The following HIVEP1 variants were observed in gnomAD, a reference collection of about 807,000 sequenced individuals.
HIVEP1 encodes zinc finger protein 40.
A neutral mutation model predicts 180.0 loss-of-function variants in HIVEP1; 36 were observed. The ratio of observed to expected loss-of-function variants is 0.20; its 90% CI spans 0.15 to 0.26. HIVEP1 has a LOEUF of 0.26. HIVEP1 is among the 10% of genes least tolerant of loss of function. HIVEP1 has a pLI of 1.00. For missense variants in HIVEP1, 3,143 were observed against 3,268.7 expected (o/e 0.96, Z 0.94); for synonymous variants, 1,239 against 1,239.0 (o/e 1.00, Z 0.00).
chr6:12,034,618 C>G (rs987985373), intron 2 of HIVEP1, among the ~76,000 whole-genome samples: 3 of 152,206 alleles, frequency 2.0e-5, no homozygotes, highest in Non-Finnish European at 4.4e-5. Flanking sequence ...GAAAGGAGAA[C>G]AGTGTTTTCT....
chr6:12,125,398 C>T lies in HIVEP1; in HGVS notation c.5603C>T (p.Thr1868Ile). Residue 1868 changes from threonine to isoleucine, a missense_variant, in exon 4 of 9, where the codon ACT (threonine) becomes ATT (isoleucine). This residue lies in a region of HIVEP1 where 1,357 missense variants were observed against 1,260.5 expected (regional missense o/e 1.08). Transcript: ENST00000379388. Reference sequence around the variant, plus strand: ...AACATCAAGTCATCCACATCATTAACTCTTACAGTTCGAAGTTCACCTGCT... The same window carrying T: ...AACATCAAGTCATCCACATCATTAATTCTTACAGTTCGAAGTTCACCTGCT... Reference protein sequence around the residue: ...FENIKSSTSLTLTVRSSPAPS... With the variant: ...FENIKSSTSLILTVRSSPAPS... 6.2e-7 allele frequency: 1 copy of T among 1,613,958 alleles called. No individual in the cohort carries two copies. Among genetic ancestry groups the T allele is most frequent in the African/African-American group, 1.3e-5 (1 of 75,054 alleles).
At chr6:12,046,801 G>A (rs1285000368) in intron 2 of HIVEP1, among the ~76,000 whole-genome samples, 1 of 150,366 alleles carries the variant, frequency 6.7e-6, no homozygotes, top group African/African-American at 2.5e-5. Flanking sequence ...AGAATTCTGG[G>A]TGGCCTCATC....
intron 7 of HIVEP1, among the ~76,000 whole-genome samples, chr6:12,136,567 C>A (rs1758716386): frequency 6.6e-6 from 1 of 152,222 alleles, no homozygotes; most frequent in African/African-American, 2.4e-5. Flanking sequence ...ACCTGAGCTC[C>A]CACCACAGTG....
At chr6:12,142,855 A>C (rs1209579411) in intron 7 of HIVEP1, among the ~76,000 whole-genome samples, 1 of 152,248 alleles carries the variant, frequency 6.6e-6, no homozygotes, top group Non-Finnish European at 1.5e-5. Context: ...ATCTCTGAAT[A>C]GACTAATAAC....
chr6:12,211,355 G>C, the HIVEP1 span, among the ~76,000 whole-genome samples: 6 of 106,800 alleles, frequency 5.6e-5, no homozygotes, highest in East Asian at 3.3e-4. Context: ...AGCCGAGATC[G>C]CGCCACTGCA....
At chr6:12,070,217 TA>T (rs1771877654) in intron 2 of HIVEP1, among the ~76,000 whole-genome samples, 1 of 152,212 alleles carries the variant, frequency 6.6e-6, no homozygotes. Context: ...AGTAAATACA[TA>T]AACCAGTCAT....
At chr6:12,174,039 T>C in the HIVEP1 span, among the ~76,000 whole-genome samples, 4 of 152,346 alleles carry the variant, frequency 2.6e-5, no homozygotes, top group South Asian at 2.1e-4. Flanking sequence ...CTCTATACTT[T>C]CATTACACAG....
At position 12,120,880 on chromosome 6, in the gene HIVEP1, C is replaced by G; in HGVS notation, c.1085C>G (p.Pro362Arg). 6.2e-7 allele frequency: 1 copy of G among 1,614,122 alleles called. No homozygotes were observed. The change falls in exon 4 of 9, where the codon CCG (proline) becomes CGG (arginine). Residue 362 changes from proline to arginine, a missense_variant. Physicochemically the swap from Pro to Arg is moderately radical, Grantham distance 103. Coordinates refer to ENST00000379388, the MANE Select transcript of HIVEP1 (RefSeq NM_002114.4). ...TCTGCTTCACCTTTGTCAATAAGTCCGGCTAATTCTACACAGTCGCCCCCC... is the reference window on the plus strand; with the variant it reads ...TCTGCTTCACCTTTGTCAATAAGTCGGGCTAATTCTACACAGTCGCCCCCC... ...MDSASPLSIS[P>R]ANSTQSPPMP... is the part of the protein sequence containing the mutation.
At chr6:12,183,987 A>AGATAGAT in the HIVEP1 span, among the ~76,000 whole-genome samples, 658 of 131,708 alleles carry the variant, frequency 5.0e-3, 6 homozygotes, top group African/African-American at 0.021. Flanking sequence ...ATAGATAGAT[A>AGATAGAT]GATAGATAGA....
At chr6:12,091,465 G>C (rs943888391) in intron 3 of HIVEP1, among the ~76,000 whole-genome samples, 1 of 151,854 alleles carries the variant, frequency 6.6e-6, no homozygotes, top group Non-Finnish European at 1.5e-5. Flanking sequence ...GTAATTATTA[G>C]GACAAGTAAC....
At chr6:12,106,063 T>TACATATATATACACACAC (rs1774413839) in intron 3 of HIVEP1, among the ~76,000 whole-genome samples, 2 of 151,660 alleles carry the variant, frequency 1.3e-5, no homozygotes, top group Non-Finnish European at 2.9e-5. Context: ...CACACATATA[T>TACATATATATACACACAC]ACATATATAT....
chr6:12,182,197 C>G, the HIVEP1 span, among the ~76,000 whole-genome samples: 2 of 152,118 alleles, frequency 1.3e-5, no homozygotes, highest in African/African-American at 4.8e-5. Flanking sequence ...ACCTAAAAAT[C>G]AATTTCATGA....
At chr6:12,081,720 A>G (rs1412337069) in intron 2 of HIVEP1, among the ~76,000 whole-genome samples, 2 of 152,146 alleles carry the variant, frequency 1.3e-5, no homozygotes, top group Admixed American at 6.5e-5. Flanking sequence ...AACAAATCAA[A>G]TAGTCAAAAC....
chr6:12,022,749 A>G (rs192228716), intron 2 of HIVEP1, among the ~76,000 whole-genome samples: 5 of 152,376 alleles, frequency 3.3e-5, no homozygotes, highest in African/African-American at 9.6e-5. Context: ...GGAAACAGGA[A>G]TATCTACATA....
At chr6:12,020,357 G>T (rs986974823) in intron 2 of HIVEP1, 6 of 471,080 alleles carry the variant, frequency 1.3e-5, no homozygotes, top group Non-Finnish European at 2.2e-5. Context: ...TTAGCATGTT[G>T]TCCTGGGTTC....
intron 2 of HIVEP1, among the ~76,000 whole-genome samples, chr6:12,088,216 C>T (rs1773228000): frequency 6.6e-6 from 1 of 151,926 alleles, no homozygotes; most frequent in Non-Finnish European, 1.5e-5. Flanking sequence ...CAGTGAGCAG[C>T]GGTAGGGTCA....
In HIVEP1 at chr6:12,122,772, G is replaced by A; in HGVS notation, c.2977G>A (p.Ala993Thr). The A allele has an allele frequency of 1.2e-6, 2 of 1,612,252 alleles. No individual in the cohort carries two copies. Among genetic ancestry groups the A allele is most frequent in the Non-Finnish European group, 1.7e-6 (2 of 1,179,546 alleles). ...SELHGPKTKV[A>T]MREPEHSPVP... Reference sequence around the variant, plus strand: ...GTTACATGGACCAAAAACAAAGGTAGCCATGAGAGAACCTGAGCACAGCCC... The same window carrying A: ...GTTACATGGACCAAAAACAAAGGTAACCATGAGAGAACCTGAGCACAGCCC... The change falls in exon 4 of 9, where the codon GCC (alanine) becomes ACC (threonine). Residue 993 changes from alanine (A) to threonine (T), a missense_variant. Around this residue, in one of 12 missense-constraint regions of HIVEP1, gnomAD observed 204 missense variants for 243.7 expected, o/e 0.84. Transcript: ENST00000379388.
chr6:12,035,892 A>G (rs139914658), intron 2 of HIVEP1, among the ~76,000 whole-genome samples: 1 of 152,348 alleles, frequency 6.6e-6, no homozygotes, highest in Admixed American at 6.5e-5. Context: ...TTTCAGAACT[A>G]GTATGAAAAA....
At chr6:12,138,112 C>T (rs918981612) in intron 7 of HIVEP1, among the ~76,000 whole-genome samples, 4 of 152,152 alleles carry the variant, frequency 2.6e-5, no homozygotes, top group Non-Finnish European at 4.4e-5. Context: ...GTTCATTCAA[C>T]GTACATGTAT....
Sources: gnomAD v4.1 joint callset for allele counts (sites outside exome capture counted in the v4.1 genomes callset) on GRCh38, gnomAD v4.1.1 for gene constraint, gnomAD v4.1.1 regional missense constraint, MANE v1.5 for transcripts, NCBI Gene and HGNC (gene_info 2026-07-23, HGNC 2026-07-21) for gene names.